The following AKAP6 variants were observed in gnomAD, a reference collection of about 807,000 sequenced individuals.
The protein encoded by AKAP6 is A-kinase anchoring protein 6.
AKAP6 carries 58 observed loss-of-function variants against 188.5 expected under a neutral mutation model. The ratio of observed to expected loss-of-function variants is 0.31; its 90% CI spans 0.25 to 0.38. The LOEUF (loss-of-function observed/expected upper bound fraction) is 0.38, where lower values mean the gene tolerates loss of function less well. Ranked by LOEUF, AKAP6 falls within the 10% of genes least tolerant of loss-of-function variation. AKAP6 has a pLI of 1.00. For synonymous variants in AKAP6, 989 were observed against 998.6 expected, an observed-to-expected ratio of 0.99 and a Z score of 0.18; for missense variants, 2,710 against 2,740.0, an observed-to-expected ratio of 0.99 and a Z score of 0.24.
At chr14:32,666,975 A>G (rs1888968955) in intron 7 of AKAP6, among the ~76,000 whole-genome samples, 1 of 152,084 alleles carries the variant, frequency 6.6e-6, no homozygotes, top group Admixed American at 6.6e-5. Context: ...CTTTTCATTT[A>G]TAATAAAAAG....
At chr14:32,379,316 C>G (rs1888267463) in intron 1 of AKAP6, among the ~76,000 whole-genome samples, 1 of 152,140 alleles carries the variant, frequency 6.6e-6, no homozygotes, top group Non-Finnish European at 1.5e-5. Flanking sequence ...AGGTAGAAAG[C>G]TATTTTCATT....
At chr14:32,563,252 C>A (rs1487419821) in intron 4 of AKAP6, among the ~76,000 whole-genome samples, 1 of 152,132 alleles carries the variant, frequency 6.6e-6, no homozygotes, top group Non-Finnish European at 1.5e-5. Flanking sequence ...ATTGTGTAAA[C>A]CATGTCTCAG....
At chr14:32,346,925 T>C (rs1198390134) in intron 1 of AKAP6, among the ~76,000 whole-genome samples, 2 of 152,210 alleles carry the variant, frequency 1.3e-5, no homozygotes, top group Non-Finnish European at 2.9e-5. Context: ...TCTATAGGCT[T>C]GATACCAAGC....
At chr14:32,607,152 A>T (rs2139370752) in intron 7 of AKAP6, among the ~76,000 whole-genome samples, 1 of 152,290 alleles carries the variant, frequency 6.6e-6, no homozygotes, top group South Asian at 2.1e-4. Flanking sequence ...GCAACTGGCT[A>T]ATATTTTCTT....
At position 32,835,623 on chromosome 14, in the gene AKAP6, C is replaced by T. The variant is rs916584462; in HGVS notation, c.*5818C>T. On this transcript the variant is annotated 3_prime_UTR_variant, in exon 14 of 14. Transcript: ENST00000280979. ...TTCAACTCAAAGGCAAAACCATGAT[C>T]AAAATATTGTATATAGTACACCTTC... The T allele has an allele frequency of 2.0e-5, 3 of 152,100 alleles. No homozygotes were observed. Among genetic ancestry groups the T allele is most frequent in the African/African-American group, 7.2e-5 (3 of 41,400 alleles). The allele number at this position is 152,100 out of a possible 1,614,324, so 9.4% of individuals were successfully genotyped here. A position where few individuals can be genotyped will look rare whatever the true frequency, so the allele number is the denominator to read the frequency against.
chr14:32,694,314 T>C (rs996467284), intron 8 of AKAP6, among the ~76,000 whole-genome samples: 1 of 150,856 alleles, frequency 6.6e-6, no homozygotes, highest in African/African-American at 2.4e-5. Context: ...TAGGCAGAGA[T>C]TGTGCCACTG....
intron 4 of AKAP6, among the ~76,000 whole-genome samples, chr14:32,562,451 G>A (rs548704781): frequency 1.3e-5 from 2 of 152,034 alleles, no homozygotes; most frequent in Non-Finnish European, 2.9e-5. Context: ...GAAGACTATC[G>A]GTAGTCTTTT....
intron 1 of AKAP6, among the ~76,000 whole-genome samples, chr14:32,346,664 G>A (rs1280485515): frequency 7.9e-5 from 12 of 152,108 alleles, no homozygotes; most frequent in South Asian, 2.1e-4. Flanking sequence ...GCCCGCCACC[G>A]CGCCTGGCTA....
At chr14:32,674,817 A>G (rs1275575250) in intron 7 of AKAP6, among the ~76,000 whole-genome samples, 1 of 152,190 alleles carries the variant, frequency 6.6e-6, no homozygotes, top group Non-Finnish European at 1.5e-5. Context: ...AAGCCATGGA[A>G]GAGAGTATAG....
intron 7 of AKAP6, among the ~76,000 whole-genome samples, chr14:32,650,593 A>G (rs180792194): frequency 2.2e-3 from 331 of 152,316 alleles, no homozygotes; most frequent in African/African-American, 7.7e-3. Flanking sequence ...CGTGGGCAAC[A>G]GAGTGAGACT....
chr14:32,418,329 G>C (rs547831300), intron 1 of AKAP6, among the ~76,000 whole-genome samples: 24 of 152,314 alleles, frequency 1.6e-4, no homozygotes, highest in African/African-American at 5.8e-4. Context: ...GGATGTTAAA[G>C]TTTTATCCAA....
chr14:32,383,327 A>G (rs905431203), intron 1 of AKAP6, among the ~76,000 whole-genome samples: 5 of 152,320 alleles, frequency 3.3e-5, no homozygotes, highest in Non-Finnish European at 1.5e-5. Flanking sequence ...ATAGAAAACA[A>G]GACAGGACTG....
At chr14:32,758,143 T>C (rs915128425) in intron 11 of AKAP6, among the ~76,000 whole-genome samples, 1 of 152,142 alleles carries the variant, frequency 6.6e-6, no homozygotes, top group Non-Finnish European at 1.5e-5. Flanking sequence ...ACTCAAGAAG[T>C]GCTTAGAAGA....
At chr14:32,420,829 ACTT>A (rs1889817032) in intron 1 of AKAP6, among the ~76,000 whole-genome samples, 2 of 150,364 alleles carry the variant, frequency 1.3e-5, no homozygotes, top group Admixed American at 6.6e-5. Context: ...TCCTGTGCCT[ACTT>A]CTTTCTTGCT....
intron 3 of AKAP6, among the ~76,000 whole-genome samples, chr14:32,542,288 G>A (rs1882989670): frequency 6.6e-6 from 1 of 152,166 alleles, no homozygotes; most frequent in South Asian, 2.1e-4. Flanking sequence ...GGAAGGCATA[G>A]AGAGACATTC....
chr14:32,375,502 A>C (rs1888131540), intron 1 of AKAP6, among the ~76,000 whole-genome samples: 1 of 147,198 alleles, frequency 6.8e-6, no homozygotes, highest in African/African-American at 2.6e-5. Context: ...AGAGTAAGCA[A>C]AAAAAAAAAA....
At chr14:32,559,849 A>C (rs1883874588) in intron 4 of AKAP6, among the ~76,000 whole-genome samples, 1 of 148,622 alleles carries the variant, frequency 6.7e-6, no homozygotes, top group African/African-American at 2.5e-5. Flanking sequence ...GCAGTGGTGC[A>C]ATCTCCTCTA....
chr14:32,510,396 A>ATATATATATG lies in AKAP6; in HGVS notation c.325-25151_325-25150insATGTATATAT, dbSNP rs1566546430. Among the ~76,000 whole-genome samples, 43 of 82,416 alleles carry ATATATATATG rather than the reference A, an allele frequency of 5.2e-4. 2 individuals are homozygous for ATATATATATG. The highest frequency in any genetic ancestry group is 1.9e-3 in the African/African-American group (40 of 21,082). 54.1% of individuals were successfully genotyped at this position (82,416 alleles called of 152,430 possible). ...TATATATGTGTATATATATATGTGT[A>ATATATATATG]TATATATGTATATATATGTATATAT... On this transcript the variant is annotated intron_variant, in intron 2 of 13. Transcript: ENST00000280979.
At chr14:32,746,507 G>C (rs1178938513) in intron 11 of AKAP6, among the ~76,000 whole-genome samples, 1 of 152,102 alleles carries the variant, frequency 6.6e-6, no homozygotes, top group Non-Finnish European at 1.5e-5. Context: ...AATTTTGACT[G>C]CTGCCCTATC....
Sources: gnomAD v4.1 joint callset for allele counts (sites outside exome capture counted in the v4.1 genomes callset) on GRCh38, gnomAD v4.1.1 for gene constraint, MANE v1.5 for transcripts, NCBI Gene and HGNC (gene_info 2026-07-23, HGNC 2026-07-21) for gene names.